The following MGST1 variants were observed in gnomAD, a reference collection of about 807,000 sequenced individuals.
The protein encoded by MGST1 is microsomal glutathione S-transferase 1.
In MGST1, 5 loss-of-function variants were observed where a neutral mutation model predicts 8.9. The ratio of observed to expected loss-of-function variants is 0.56; its 90% confidence interval spans 0.29 to 1.19. The LOEUF (loss-of-function observed/expected upper bound fraction) is 1.19. Ranked by LOEUF, MGST1 falls within the 50% of genes most tolerant of loss-of-function variation. The probability of loss-of-function intolerance (pLI) is 0.08; values close to 1 mark genes in which losing one functional copy is unlikely to be tolerated. For missense variants in MGST1, 182 were observed against 187.4 expected, an observed-to-expected ratio of 0.97 and a Z score of 0.17; for synonymous variants, 54 against 67.8, an observed-to-expected ratio of 0.80 and a Z score of 1.00.
intron 1 of MGST1, among the ~76,000 whole-genome samples, chr12:16,432,383 G>A (rs1265453705): frequency 1.3e-5 from 2 of 152,180 alleles, no homozygotes; most frequent in African/African-American, 2.4e-5. Context: ...TCCACAATAA[G>A]TTAGGATTTG....
At chr12:16,493,833 G>A (rs932636707) in intron 4 of MGST1, among the ~76,000 whole-genome samples, 1 of 152,110 alleles carries the variant, frequency 6.6e-6, no homozygotes, top group African/African-American at 2.4e-5. Context: ...ATATGGATAG[G>A]ACTCTTCTCT....
rs561349217 is a variant in MGST1, at chr12:16,516,226, T to C, written n.483-73302T>C. 1.1e-4 allele frequency among the ~76,000 whole-genome samples: 17 copies of C among 152,310 alleles called. No homozygotes were observed. In the South Asian group the frequency reaches 2.5e-3, roughly 22 times the overall value. On this transcript the variant is annotated intron_variant and non_coding_transcript_variant, in intron 4 of 4. Transcript: ENST00000538857. ...GCTTCACACAAAAGAGTCTGACACA[T>C]CTTTTACATCCTAGCTCAAGCTATT...
intron 4 of MGST1, among the ~76,000 whole-genome samples, chr12:16,554,813 C>T (rs1488742072): frequency 1.3e-5 from 2 of 152,138 alleles, no homozygotes; most frequent in East Asian, 3.9e-4. Flanking sequence ...CCCGCCACCT[C>T]GACCGGCTCA....
At chr12:16,563,788 T>C (rs145435715) in intron 4 of MGST1, among the ~76,000 whole-genome samples, 4 of 152,296 alleles carry the variant, frequency 2.6e-5, no homozygotes, top group African/African-American at 9.6e-5. Flanking sequence ...CATTTTGAAA[T>C]TTTGATCTAA....
intron 3 of MGST1, among the ~76,000 whole-genome samples, chr12:16,372,884 T>TA (rs1940317938): frequency 6.8e-6 from 1 of 147,960 alleles, no homozygotes; most frequent in African/African-American, 2.5e-5. Context: ...ATATATTACA[T>TA]ATTATGTAGT....
rs1467367060 is a variant in MGST1, at chr12:16,497,643, G to A, written n.483-91885G>A. Reference sequence around the variant, plus strand: ...AAAGGGAGTTTTAACTAGGTCGTGGGCCAAATACTTTCTTCAGAAAATTTA... The same window carrying A: ...AAAGGGAGTTTTAACTAGGTCGTGGACCAAATACTTTCTTCAGAAAATTTA... On this transcript the variant is annotated intron_variant and non_coding_transcript_variant, in intron 4 of 4. Transcript: ENST00000538857. This position sits in a 1 kb window ranked among gnomAD's most constrained non-coding sequence, Gnocchi z 4.4. Among the ~76,000 whole-genome samples, 1 of 152,068 alleles carries A rather than the reference G, an allele frequency of 6.6e-6. No individual in the cohort carries two copies. The highest frequency in any genetic ancestry group is 1.5e-5 in the Non-Finnish European group (1 of 67,992).
At chr12:16,430,632 T>C (rs372874098) in intron 1 of MGST1, among the ~76,000 whole-genome samples, 59 of 151,986 alleles carry the variant, frequency 3.9e-4, no homozygotes, top group Non-Finnish European at 7.9e-4. Context: ...TTCTGAGCAG[T>C]AGGTCTTAAC....
intron 1 of MGST1, among the ~76,000 whole-genome samples, chr12:16,404,382 C>T (rs925246001): frequency 2.0e-5 from 3 of 151,964 alleles, no homozygotes; most frequent in Non-Finnish European, 4.4e-5. Flanking sequence ...TTTAAAAATT[C>T]AATATGGCAA....
At chr12:16,561,919 G>T (rs1219452978) in intron 4 of MGST1, among the ~76,000 whole-genome samples, 2 of 152,102 alleles carry the variant, frequency 1.3e-5, no homozygotes, top group African/African-American at 4.8e-5. Context: ...TAAAAAGTAA[G>T]CGAAGTTTAC....
chr12:16,573,699 A>G (rs1942900332), intron 4 of MGST1: 1 of 152,226 alleles, frequency 6.6e-6, no homozygotes, highest in African/African-American at 2.4e-5. Context: ...GCGAGTGCTC[A>G]AGTTTTCTCA....
intron 4 of MGST1, among the ~76,000 whole-genome samples, chr12:16,450,379 T>G (rs1013147170): frequency 7.2e-5 from 11 of 151,868 alleles, no homozygotes; most frequent in Admixed American, 7.2e-4. Flanking sequence ...AAAGGGCTGC[T>G]GAAACAACAA....
intron 4 of MGST1, among the ~76,000 whole-genome samples, chr12:16,493,695 A>T (rs1941453451): frequency 1.3e-5 from 2 of 152,230 alleles, no homozygotes; most frequent in Admixed American, 1.3e-4. Context: ...AGACTCCAGG[A>T]GTATCTGTTC....
chr12:16,481,531 T>C (rs988088276), intron 4 of MGST1, among the ~76,000 whole-genome samples: 1 of 152,088 alleles, frequency 6.6e-6, no homozygotes, highest in Non-Finnish European at 1.5e-5. Flanking sequence ...AAATAAAAAA[T>C]AATAAGATGA....
chr12:16,371,639 T>A (rs1940295131), intron 3 of MGST1, among the ~76,000 whole-genome samples: 1 of 152,082 alleles, frequency 6.6e-6, no homozygotes, highest in African/African-American at 2.4e-5. Flanking sequence ...ATCCCCTGAA[T>A]AAAAATTCCA....
downstream of MGST1, among the ~76,000 whole-genome samples, chr12:16,381,075 T>G (rs11608628): frequency 7.9e-5 from 12 of 152,310 alleles, no homozygotes; most frequent in East Asian, 3.9e-4. Context: ...CACACTGATG[T>G]GTCTTGACTC....
chr12:16,435,059 TG>T (rs1940972646), intron 1 of MGST1, among the ~76,000 whole-genome samples: 1 of 151,968 alleles, frequency 6.6e-6, no homozygotes, highest in African/African-American at 2.4e-5. Context: ...ACAAGAAGTT[TG>T]TTTTTTTAAA....
rs537804055 is a variant in MGST1, at chr12:16,485,970, A to G, written n.482+102366A>G. 5.5e-4 allele frequency among the ~76,000 whole-genome samples: 84 copies of G among 152,312 alleles called. No homozygotes were observed. In the South Asian group the frequency reaches 0.017, roughly 31 times the overall value. On this transcript the variant is annotated intron_variant and non_coding_transcript_variant, in intron 4 of 4. Coordinates refer to the MGST1 transcript ENST00000538857. Reference sequence around the variant, plus strand: ...TTGCTTGCTCCATTCCAACCACATAAGGGGCTTCGATGACCTTTGAACATG... The same window carrying G: ...TTGCTTGCTCCATTCCAACCACATAGGGGGCTTCGATGACCTTTGAACATG...
At chr12:16,402,471 G>C in intron 1 of MGST1, 7 of 1,552,142 alleles carry the variant, frequency 4.5e-6, no homozygotes, top group Non-Finnish European at 6.2e-6. Flanking sequence ...CGATGTCCCG[G>C]CTCTGCCACC....
intron 4 of MGST1, among the ~76,000 whole-genome samples, chr12:16,464,202 A>T (rs1941239996): frequency 6.6e-6 from 1 of 152,264 alleles, no homozygotes; most frequent in African/African-American, 2.4e-5. Flanking sequence ...AACCGCAGTT[A>T]CTATGAAACA....
Sources: gnomAD v4.1 joint callset for allele counts (sites outside exome capture counted in the v4.1 genomes callset) on GRCh38, gnomAD v4.1.1 for gene constraint, Gnocchi (gnomAD v3.1) non-coding constraint, MANE v1.5 for transcripts, NCBI Gene and HGNC (gene_info 2026-07-23, HGNC 2026-07-21) for gene names.